SNTG1: variants seen among roughly 807,000 people sequenced by gnomAD.
SNTG1 encodes gamma-1-syntrophin.
In SNTG1, 39 loss-of-function variants were observed where a neutral mutation model predicts 74.7. The observed-to-expected ratio is 0.52, with a 90% confidence interval of 0.40 to 0.68. SNTG1 has a LOEUF of 0.68. SNTG1 is among the 30% of genes least tolerant of loss of function. SNTG1 has a pLI of 0.00. For synonymous variants in SNTG1, 254 were observed against 217.1 expected (o/e 1.17, Z -1.49); for missense variants, 685 against 609.5 (o/e 1.12, Z -1.30).
intron 2 of SNTG1, among the ~76,000 whole-genome samples, chr8:50,364,580 C>A (rs969870303): frequency 6.6e-6 from 1 of 152,022 alleles, no homozygotes; most frequent in Non-Finnish European, 1.5e-5. Flanking sequence ...TATATCATAG[C>A]ATTTTCTCTG....
At chr8:50,306,998 G>A (rs929820615) in intron 2 of SNTG1, among the ~76,000 whole-genome samples, 2 of 151,516 alleles carry the variant, frequency 1.3e-5, no homozygotes, top group Non-Finnish European at 2.9e-5. Context: ...TTTGTGTCTG[G>A]TCTCATTCTC....
chr8:50,072,298 T>C (rs1270831912), intron 1 of SNTG1, among the ~76,000 whole-genome samples: 1 of 152,114 alleles, frequency 6.6e-6, no homozygotes, highest in East Asian at 1.9e-4. Context: ...TGACTTAACA[T>C]AGTGCTGAGA....
chr8:50,500,231 T>C (rs2093939600), intron 8 of SNTG1, among the ~76,000 whole-genome samples: 1 of 128,378 alleles, frequency 7.8e-6, no homozygotes, highest in South Asian at 3.3e-4. Flanking sequence ...TTACTTTTTC[T>C]TTTTTTTTTT....
chr8:50,598,260 A>G (rs1585801797), intron 13 of SNTG1, among the ~76,000 whole-genome samples: 1 of 151,764 alleles, frequency 6.6e-6, no homozygotes. Context: ...TTTTGATTTG[A>G]TTTTTGTGTG....
intron 15 of SNTG1, among the ~76,000 whole-genome samples, chr8:50,672,199 AT>A (rs1315405681): frequency 1.3e-5 from 2 of 149,586 alleles, no homozygotes; most frequent in Non-Finnish European, 3.0e-5. Flanking sequence ...TATAATAATA[AT>A]AAAAAAAAAT....
intron 1 of SNTG1, among the ~76,000 whole-genome samples, chr8:50,169,902 T>C (rs950537134): frequency 6.6e-6 from 1 of 152,102 alleles, no homozygotes; most frequent in Non-Finnish European, 1.5e-5. Flanking sequence ...GCACTGAGTG[T>C]TCACCCACTG....
At chr8:49,923,475 G>C (rs1042392970) in intron 1 of SNTG1, among the ~76,000 whole-genome samples, 1 of 152,028 alleles carries the variant, frequency 6.6e-6, no homozygotes, top group Non-Finnish European at 1.5e-5. Context: ...ATGAAATACA[G>C]TCTCTTCCTT....
intron 3 of SNTG1, among the ~76,000 whole-genome samples, chr8:50,396,682 T>A (rs2092732540): frequency 6.6e-6 from 1 of 152,236 alleles, no homozygotes; most frequent in African/African-American, 2.4e-5. Context: ...ATTTCTTATA[T>A]CTGATATTGT....
chr8:50,503,013 G>A (rs910587979), intron 9 of SNTG1, 133 bp downstream of exon 9: 2 of 659,642 alleles, frequency 3.0e-6, no homozygotes, highest in South Asian at 4.5e-5. Context: ...ATATTACAAA[G>A]TGTTCTACTA....
intron 4 of SNTG1, among the ~76,000 whole-genome samples, chr8:50,414,910 T>C (rs1365796761): frequency 2.0e-5 from 3 of 152,148 alleles, no homozygotes; most frequent in Non-Finnish European, 4.4e-5. Context: ...GACCACCTAC[T>C]ATACATAGTT....
At chr8:50,385,233 T>C (rs2092555605) in intron 2 of SNTG1, among the ~76,000 whole-genome samples, 1 of 152,168 alleles carries the variant, frequency 6.6e-6, no homozygotes, top group Non-Finnish European at 1.5e-5. Context: ...CCACTTGAAA[T>C]CAGCAGCTTT....
intron 13 of SNTG1, among the ~76,000 whole-genome samples, chr8:50,591,242 C>A (rs971446799): frequency 6.6e-6 from 1 of 152,032 alleles, no homozygotes; most frequent in African/African-American, 2.4e-5. Context: ...GGGAGACCTA[C>A]TTTTAATTTA....
intron 8 of SNTG1, among the ~76,000 whole-genome samples, chr8:50,464,685 G>A (rs1278113764): frequency 1.3e-5 from 2 of 151,932 alleles, no homozygotes; most frequent in African/African-American, 4.8e-5. Context: ...ATTAAAGTGG[G>A]CTGAGATCAC....
intron 2 of SNTG1, among the ~76,000 whole-genome samples, chr8:50,226,172 T>C (rs2085317790): frequency 6.6e-6 from 1 of 152,182 alleles, no homozygotes; most frequent in Non-Finnish European, 1.5e-5. Context: ...GACTAAGCTC[T>C]GATTTTTTTA....
chr8:50,481,448 G>C (rs759759117), intron 8 of SNTG1, among the ~76,000 whole-genome samples: 7 of 152,170 alleles, frequency 4.6e-5, no homozygotes, highest in Non-Finnish European at 7.3e-5. Flanking sequence ...TGGACAATGT[G>C]TAACATTTGC....
intron 9 of SNTG1, among the ~76,000 whole-genome samples, chr8:50,526,880 C>T (rs1172628526): frequency 6.6e-6 from 1 of 151,974 alleles, no homozygotes; most frequent in Non-Finnish European, 1.5e-5. Context: ...CCTCATCCAC[C>T]AAAAGTGCTA....
chr8:50,656,318 C>G (rs1039560910), intron 13 of SNTG1, among the ~76,000 whole-genome samples: 1 of 152,096 alleles, frequency 6.6e-6, no homozygotes, highest in African/African-American at 2.4e-5. Context: ...TTATTAAGCA[C>G]TAGAGGCTAA....
intron 4 of SNTG1, among the ~76,000 whole-genome samples, chr8:50,431,965 A>G (rs2093241726): frequency 6.6e-6 from 1 of 152,192 alleles, no homozygotes; most frequent in Non-Finnish European, 1.5e-5. Flanking sequence ...ATTTTCCTCT[A>G]GTCCATAGCT....
chr8:50,501,194 G>A (rs757130473), intron 8 of SNTG1, among the ~76,000 whole-genome samples: 10 of 151,926 alleles, frequency 6.6e-5, no homozygotes, highest in Admixed American at 4.6e-4. Context: ...CCTATATAGC[G>A]TGCTTTCTGT....
Sources: allele counts gnomAD v4.1 joint callset (sites outside exome capture counted in the v4.1 genomes callset), GRCh38; gene constraint gnomAD v4.1.1; transcripts MANE v1.5; gene names NCBI Gene and HGNC (gene_info 2026-07-23, HGNC 2026-07-21).